PIGU: variants seen among roughly 807,000 people sequenced by gnomAD.
PIGU encodes phosphatidylinositol glycan anchor biosynthesis class U.
In PIGU, 24 loss-of-function variants were observed where a neutral mutation model predicts 49.9. The observed-to-expected ratio is 0.48, with a 90% CI of 0.35 to 0.68. The LOEUF (loss-of-function observed/expected upper bound fraction) is 0.68, where lower values mean the gene tolerates loss of function less well. PIGU is among the 30% of genes least tolerant of loss of function. PIGU has a pLI of 0.01. For missense variants in PIGU, 490 were observed against 532.6 expected (o/e 0.92, Z 0.79); for synonymous variants, 220 against 205.7 (o/e 1.07, Z -0.59).
chr20:34,645,234 A>G, intron 3 of PIGU, 41 bp downstream of exon 3: 1 of 1,471,984 alleles, frequency 6.8e-7, no homozygotes, highest in Non-Finnish European at 9.0e-7. Flanking sequence ...CATAAAATTT[A>G]AAAATATATA....
chr20:34,658,818 G>A (rs1016968393), intron 1 of PIGU, among the ~76,000 whole-genome samples: 2 of 151,540 alleles, frequency 1.3e-5, no homozygotes, highest in Non-Finnish European at 2.9e-5. Context: ...TCTGAGAAGC[G>A]AGGAGCCCCT....
chr20:34,620,257 C>A (rs1025496692), intron 6 of PIGU, among the ~76,000 whole-genome samples: 1 of 152,230 alleles, frequency 6.6e-6, no homozygotes, highest in Non-Finnish European at 1.5e-5. Flanking sequence ...ACGCCCTGTC[C>A]TCCAGCTACA....
In PIGU at chr20:34,597,778, G is replaced by A. The variant is rs542119771; in HGVS notation, c.628-9171C>T. Among the ~76,000 whole-genome samples, 67 of 152,312 alleles carry A rather than the reference G, an allele frequency of 4.4e-4. No homozygotes were observed. In the South Asian group the frequency reaches 0.013, roughly 30 times the overall value. Reference sequence around the variant, plus strand: ...GGAGGAATGTAGGTTATAGGTATATGAGTGTTCGTATTTGTTTTTTCTTTG... The same window carrying A: ...GGAGGAATGTAGGTTATAGGTATATAAGTGTTCGTATTTGTTTTTTCTTTG... On this transcript the variant is annotated intron_variant, in intron 7 of 11. Transcript: ENST00000217446.
chr20:34,659,814 G>A (rs1342672642), intron 1 of PIGU, among the ~76,000 whole-genome samples: 7 of 151,944 alleles, frequency 4.6e-5, no homozygotes, highest in African/African-American at 9.7e-5. Context: ...GATTAAGGGC[G>A]GTGCAAGATG....
intron 7 of PIGU, among the ~76,000 whole-genome samples, chr20:34,600,489 A>G (rs929900078): frequency 6.6e-6 from 1 of 152,174 alleles, no homozygotes; most frequent in African/African-American, 2.4e-5. Flanking sequence ...GATAAATTCA[A>G]TGAAGAAAGT....
intron 1 of PIGU, among the ~76,000 whole-genome samples, chr20:34,660,787 G>A (rs572990588): frequency 6.6e-6 from 1 of 152,274 alleles, no homozygotes; most frequent in East Asian, 1.9e-4. Context: ...AGAGACTAAG[G>A]CGACAAAACA....
In PIGU at chr20:34,654,153, G is replaced by T. The variant is rs532504850; in HGVS notation, c.195+3027C>A. Among the ~76,000 whole-genome samples, 132 of 92,526 alleles carry T rather than the reference G, an allele frequency of 1.4e-3. 33 individuals carry two copies. The highest frequency in any genetic ancestry group is 2.4e-3 in the Non-Finnish European group (106 of 44,502). 60.7% of individuals were successfully genotyped at this position (92,526 alleles called of 152,430 possible). A position where few individuals can be genotyped will look rare whatever the true frequency, so the allele number is the denominator to read the frequency against. ...ATTACAGGCGTGAGCCACCGTGCCC[G>T]GCCCTGTGTGCTTATTAAGAGTCTC... On this transcript the variant is annotated intron_variant, in intron 2 of 11. Coordinates refer to ENST00000217446, the MANE Select transcript of PIGU (RefSeq NM_080476.5).
chr20:34,635,272 C>T (rs1985922752), intron 5 of PIGU, among the ~76,000 whole-genome samples: 1 of 152,208 alleles, frequency 6.6e-6, no homozygotes, highest in South Asian at 2.1e-4. Flanking sequence ...CAGGTCATGC[C>T]AATCCAAGAG....
In PIGU at chr20:34,562,565, T is replaced by C. The variant is rs1423837499; in HGVS notation, c.1195-1586A>G. ...GCCATTCTATCACCACAGAAGCCCA[T>C]CTGGAAGGTTGAACAATCCTCATCT... is the stretch of plus-strand genomic sequence containing the variant. On this transcript the variant is annotated intron_variant, in intron 11 of 11. Coordinates refer to ENST00000217446, the MANE Select transcript of PIGU (RefSeq NM_080476.5). 3.1e-6 allele frequency: 4 copies of C among 1,289,100 alleles called. No individual in the cohort carries two copies. In the African/African-American group the frequency reaches 4.6e-5, roughly 15 times the overall value. 79.9% of individuals were successfully genotyped at this position (1,289,100 alleles called of 1,614,324 possible).
At chr20:34,574,332 C>A (rs1327240147) in intron 11 of PIGU, among the ~76,000 whole-genome samples, 3 of 152,192 alleles carry the variant, frequency 2.0e-5, no homozygotes, top group African/African-American at 4.8e-5. Context: ...GATCAGAGAA[C>A]CTGGCTTTTT....
rs111408017 is a variant in PIGU at position 34,646,353 on chromosome 20, G to A, written c.196-1019C>T. Reference sequence around the variant, plus strand: ...TGTTCATAGTATTTCATTTTTTATTGTTTAAAGCAATAAAGTTTCCTATGA... The same window carrying A: ...TGTTCATAGTATTTCATTTTTTATTATTTAAAGCAATAAAGTTTCCTATGA... On this transcript the variant is annotated intron_variant, in intron 2 of 11. Transcript: ENST00000217446. Among the ~76,000 whole-genome samples the A allele has an allele frequency of 1.7e-3, 251 of 152,100 alleles. 2 individuals are homozygous for A. Among genetic ancestry groups the A allele is most frequent in the African/African-American group, 5.7e-3 (235 of 41,482 alleles).
At chr20:34,633,231 A>G (rs1429277729) in intron 6 of PIGU, among the ~76,000 whole-genome samples, 3 of 152,196 alleles carry the variant, frequency 2.0e-5, no homozygotes, top group Non-Finnish European at 4.4e-5. Context: ...TGGGAGGCCA[A>G]GGAGGGTGGA....
intron 4 of PIGU, among the ~76,000 whole-genome samples, chr20:34,641,210 C>T (rs2146767425): frequency 1.3e-5 from 2 of 152,320 alleles, no homozygotes; most frequent in East Asian, 3.9e-4. Flanking sequence ...AGCCACAGCG[C>T]CCGGCTATAA....
chr20:34,581,709 T>G (rs971371005), intron 9 of PIGU, 37 bp from the exon 10 acceptor site: 3 of 1,604,714 alleles, frequency 1.9e-6, no homozygotes, highest in Non-Finnish European at 2.6e-6. Context: ...GAGAGATGAG[T>G]CAGGGACCAG....
At chr20:34,609,232 CAGG>C (rs1046172423) in intron 7 of PIGU, among the ~76,000 whole-genome samples, 1 of 152,186 alleles carries the variant, frequency 6.6e-6, no homozygotes, top group African/African-American at 2.4e-5. Context: ...TGCTTGAACC[CAGG>C]AGGTCTAGGC....
intron 6 of PIGU, among the ~76,000 whole-genome samples, chr20:34,632,891 T>A (rs1335471513): frequency 4.1e-5 from 6 of 147,448 alleles, no homozygotes; most frequent in Admixed American, 6.8e-5. Context: ...ATAAAACCTA[T>A]AAACTATTTG....
At chr20:34,675,009 G>GA (rs1008947989) in intron 1 of PIGU, among the ~76,000 whole-genome samples, 2 of 151,062 alleles carry the variant, frequency 1.3e-5, no homozygotes, top group African/African-American at 4.9e-5. Context: ...AGCACTTTGG[G>GA]AGGCCGAGGA....
chr20:34,646,565 C>G (rs192680075), intron 2 of PIGU, among the ~76,000 whole-genome samples: 1 of 151,812 alleles, frequency 6.6e-6, no homozygotes, highest in South Asian at 2.1e-4. Flanking sequence ...CCTGCCACCA[C>G]GCCCAGCTAA....
intron 7 of PIGU, among the ~76,000 whole-genome samples, chr20:34,611,877 T>C (rs931933186): frequency 2.0e-5 from 3 of 152,090 alleles, no homozygotes; most frequent in African/African-American, 7.2e-5. Flanking sequence ...CTGGCAAGGA[T>C]GCGGAAAAAT....
Sources: allele counts gnomAD v4.1 joint callset (sites outside exome capture counted in the v4.1 genomes callset), GRCh38; gene constraint gnomAD v4.1.1; transcripts MANE v1.5; gene names NCBI Gene and HGNC (gene_info 2026-07-23, HGNC 2026-07-21).